The following GPC6 variants were observed in gnomAD, a reference collection of about 807,000 sequenced individuals.
The protein encoded by GPC6 is glypican-6.
GPC6 carries 14 observed loss-of-function variants against 55.2 expected under a neutral mutation model. That is an observed-to-expected ratio of 0.25 (90% CI 0.17 to 0.40). The LOEUF (loss-of-function observed/expected upper bound fraction) is 0.40. Ranked by LOEUF, GPC6 falls within the 10% of genes least tolerant of loss-of-function variation. The probability of loss-of-function intolerance (pLI) is 1.00; values close to 1 mark genes in which losing one functional copy is unlikely to be tolerated. For missense variants in GPC6, 641 were observed against 708.5 expected (o/e 0.90, Z 1.08); for synonymous variants, 278 against 259.6 (o/e 1.07, Z -0.68).
chr13:93,627,942 A>G (rs1466914886), intron 2 of GPC6, among the ~76,000 whole-genome samples: 6 of 152,200 alleles, frequency 3.9e-5, no homozygotes, highest in Non-Finnish European at 8.8e-5. Flanking sequence ...AGTAGGGATC[A>G]TTTTAAGAGT....
intron 2 of GPC6, among the ~76,000 whole-genome samples, chr13:93,606,855 T>C (rs1878257956): frequency 6.6e-6 from 1 of 152,174 alleles, no homozygotes; most frequent in Admixed American, 6.5e-5. Context: ...CAACTGTCAA[T>C]CCTCTAAATG....
At chr13:94,019,687 C>A (rs770388506) in intron 3 of GPC6, among the ~76,000 whole-genome samples, 2 of 152,136 alleles carry the variant, frequency 1.3e-5, no homozygotes, top group East Asian at 3.9e-4. Flanking sequence ...GAAGTACGAT[C>A]TTATCTAGAT....
At chr13:94,296,500 C>T (rs1875341345) in intron 5 of GPC6, among the ~76,000 whole-genome samples, 1 of 152,210 alleles carries the variant, frequency 6.6e-6, no homozygotes, top group South Asian at 2.1e-4. Flanking sequence ...TGGAACTGTG[C>T]TTCTCATGGG....
chr13:94,329,048 G>C (rs930194082), intron 6 of GPC6, among the ~76,000 whole-genome samples: 1 of 152,200 alleles, frequency 6.6e-6, no homozygotes, highest in Non-Finnish European at 1.5e-5. Flanking sequence ...CTGAAATGGA[G>C]TTGGTGAGAT....
intron 1 of GPC6, among the ~76,000 whole-genome samples, chr13:93,343,032 G>T (rs1484136766): frequency 1.3e-5 from 2 of 151,816 alleles, no homozygotes; most frequent in African/African-American, 4.8e-5. Context: ...TTTTTCTTTT[G>T]CAGGTCTCTC....
intron 2 of GPC6, among the ~76,000 whole-genome samples, chr13:93,799,472 A>G (rs1371148948): frequency 6.6e-6 from 1 of 152,214 alleles, no homozygotes; most frequent in Non-Finnish European, 1.5e-5. Flanking sequence ...TCTGAGGTAT[A>G]TGAAATTATC....
At chr13:93,586,044 C>T (rs901231158) in intron 2 of GPC6, among the ~76,000 whole-genome samples, 1 of 151,942 alleles carries the variant, frequency 6.6e-6, no homozygotes, top group African/African-American at 2.4e-5. Flanking sequence ...GTTTGTTGTA[C>T]AGATTATTCC....
At chr13:94,206,316 T>C (rs1889900656) in intron 4 of GPC6, among the ~76,000 whole-genome samples, 1 of 152,160 alleles carries the variant, frequency 6.6e-6, no homozygotes, top group Non-Finnish European at 1.5e-5. Flanking sequence ...ATTCTCTCTG[T>C]GTCTCTCTAG....
intron 4 of GPC6, among the ~76,000 whole-genome samples, chr13:94,106,753 C>T (rs1410994311): frequency 6.6e-6 from 1 of 151,958 alleles, no homozygotes; most frequent in African/African-American, 2.4e-5. Flanking sequence ...TGACCTTTCT[C>T]AGTGAAGTAG....
At chr13:93,337,154 C>T (rs1880074439) in intron 1 of GPC6, among the ~76,000 whole-genome samples, 2 of 152,160 alleles carry the variant, frequency 1.3e-5, no homozygotes, top group Non-Finnish European at 2.9e-5. Context: ...TATGCTGATT[C>T]AACCATTCAC....
chr13:93,311,221 C>G (rs1183258951), intron 1 of GPC6, among the ~76,000 whole-genome samples: 5 of 152,160 alleles, frequency 3.3e-5, no homozygotes, highest in Non-Finnish European at 7.4e-5. Flanking sequence ...CTTTGGTTTT[C>G]AGATAATTTT....
intron 2 of GPC6, among the ~76,000 whole-genome samples, chr13:93,771,127 C>T (rs1230674030): frequency 6.6e-6 from 1 of 152,080 alleles, no homozygotes; most frequent in Admixed American, 6.6e-5. Context: ...ATTGCCCCTC[C>T]CCAGAATAAG....
At chr13:93,461,953 A>C (rs569798556) in intron 1 of GPC6, among the ~76,000 whole-genome samples, 4 of 152,176 alleles carry the variant, frequency 2.6e-5, no homozygotes, top group Non-Finnish European at 5.9e-5. Context: ...AACATAAGAA[A>C]TTTATATGGT....
At chr13:93,477,561 A>G (rs1259805136) in intron 1 of GPC6, among the ~76,000 whole-genome samples, 1 of 152,208 alleles carries the variant, frequency 6.6e-6, no homozygotes, top group Non-Finnish European at 1.5e-5. Context: ...GAACTGCCAA[A>G]ACTCAGTTAA....
intron 1 of GPC6, among the ~76,000 whole-genome samples, chr13:93,320,401 A>T (rs1334919516): frequency 6.6e-6 from 1 of 151,914 alleles, no homozygotes; most frequent in Non-Finnish European, 1.5e-5. Context: ...GAAAGTGCTC[A>T]AAGTAAAGGA....
intron 3 of GPC6, among the ~76,000 whole-genome samples, chr13:93,847,310 A>C (rs954231773): frequency 6.6e-6 from 1 of 152,084 alleles, no homozygotes; most frequent in East Asian, 1.9e-4. Context: ...CAGTAAACGA[A>C]ATAAATAAAT....
chr13:93,980,606 C>T (rs1880757246), intron 3 of GPC6, among the ~76,000 whole-genome samples: 1 of 152,066 alleles, frequency 6.6e-6, no homozygotes, highest in Admixed American at 6.6e-5. Flanking sequence ...GAAAGATTGC[C>T]TTGGGCCACA....
Position 93,273,583 on chromosome 13 carries a change from G to A in GPC6, c.160+45967G>A, listed in dbSNP as rs891886805. 1.9e-4 allele frequency among the ~76,000 whole-genome samples: 29 copies of A among 152,080 alleles called. No homozygotes were observed. The East Asian group carries it at 5.3e-3, about 28-fold the overall frequency. The stretch of plus-strand genomic sequence containing the variant: ...TGAGGCAGGAGAATGGCATGAACCC[G>A]GGAGGCGGAGCTTGCAGTGAACCGA... On this transcript the variant is annotated intron_variant, in intron 1 of 8. Coordinates refer to ENST00000377047, the MANE Select transcript of GPC6 (RefSeq NM_005708.5).
chr13:93,589,764 T>C (rs1018080621), intron 2 of GPC6, among the ~76,000 whole-genome samples: 5 of 152,236 alleles, frequency 3.3e-5, no homozygotes, highest in African/African-American at 1.2e-4. Context: ...TTCTAAACTT[T>C]AGGATTCCTG....
Sources: allele counts gnomAD v4.1 joint callset (sites outside exome capture counted in the v4.1 genomes callset), GRCh38; gene constraint gnomAD v4.1.1; transcripts MANE v1.5; gene names NCBI Gene and HGNC (gene_info 2026-07-23, HGNC 2026-07-21).